The following RBM19 variants were observed in gnomAD, a reference collection of about 807,000 sequenced individuals.
RBM19 encodes RNA binding motif protein 19.
A neutral mutation model predicts 116.8 loss-of-function variants in RBM19; 94 were observed. The ratio of observed to expected loss-of-function variants is 0.80; its 90% CI spans 0.68 to 0.95. The LOEUF (loss-of-function observed/expected upper bound fraction) is 0.95, where lower values mean the gene tolerates loss of function less well. Among genes scored for constraint, RBM19 ranks in the 40% least tolerant of loss-of-function variants. RBM19 has a pLI of 0.00. For synonymous variants in RBM19, 475 were observed against 494.1 expected (o/e 0.96, Z 0.51); for missense variants, 1,161 against 1,220.7 (o/e 0.95, Z 0.73).
intron 23 of RBM19, among the ~76,000 whole-genome samples, chr12:113,830,597 T>TGGG (rs1875329108): frequency 1.2e-5 from 1 of 86,252 alleles, no homozygotes; most frequent in Non-Finnish European, 2.3e-5. Flanking sequence ...GGGTGGGCTA[T>TGGG]GCCTGGGGGC....
At chr12:113,829,457 G>A (rs926814077) in intron 23 of RBM19, among the ~76,000 whole-genome samples, 25 of 152,342 alleles carry the variant, frequency 1.6e-4, no homozygotes, top group Admixed American at 1.1e-3. Flanking sequence ...AACGGGGACG[G>A]TGCCTGCTCT....
intron 23 of RBM19, among the ~76,000 whole-genome samples, chr12:113,827,293 A>G (rs1337535019): frequency 6.6e-6 from 1 of 152,158 alleles, no homozygotes; most frequent in Non-Finnish European, 1.5e-5. Context: ...TTAACTTGAC[A>G]AAAAGCTCAG....
chr12:113,828,850 C>T (rs1411824538), intron 23 of RBM19, among the ~76,000 whole-genome samples: 1 of 152,200 alleles, frequency 6.6e-6, no homozygotes, highest in Non-Finnish European at 1.5e-5. Flanking sequence ...CAGAGCTCTC[C>T]TACCCAGATA....
intron 16 of RBM19, among the ~76,000 whole-genome samples, chr12:113,930,108 A>C (rs1869469601): frequency 6.6e-6 from 1 of 152,228 alleles, no homozygotes; most frequent in African/African-American, 2.4e-5. Context: ...CTTAATGGCA[A>C]GTGACTTTTG....
intron 16 of RBM19, among the ~76,000 whole-genome samples, chr12:113,927,905 A>G (rs1432756935): frequency 6.6e-6 from 1 of 152,274 alleles, no homozygotes; most frequent in Non-Finnish European, 1.5e-5. Context: ...AGCTGGAAAA[A>G]TATGTAGTCA....
intron 22 of RBM19, among the ~76,000 whole-genome samples, chr12:113,857,253 G>C (rs1187595319): frequency 6.6e-5 from 10 of 152,232 alleles, no homozygotes; most frequent in Admixed American, 6.5e-4. Flanking sequence ...CATAGACCAA[G>C]GGTGGCTCTG....
chr12:113,845,609 T>C (rs1026980302), intron 22 of RBM19, among the ~76,000 whole-genome samples: 1 of 151,984 alleles, frequency 6.6e-6, no homozygotes, highest in African/African-American at 2.4e-5. Flanking sequence ...TAGCTAGCAG[T>C]CCCCCAGCCC....
In RBM19 at chr12:113,915,033, A is replaced by C; in HGVS notation, c.2494T>G (p.Ser832Ala). Reference sequence around the variant, plus strand: ...GGGATGTTCCGCACCAGGATCTTGGAGGTGGTCTGCTTTCTGGGAACTTGT... The same window carrying C: ...GGGATGTTCCGCACCAGGATCTTGGCGGTGGTCTGCTTTCTGGGAACTTGT... ...KKQVPRKQTT[S>A]KILVRNIPFQ... The change falls in exon 21 of 24, where the codon TCC becomes GCC. Residue 832 changes from serine to alanine, a missense_variant. Coordinates refer to ENST00000261741, the MANE Select transcript of RBM19 (RefSeq NM_016196.4). 1 of 1,614,066 alleles carries C rather than the reference A, an allele frequency of 6.2e-7. No individual in the cohort carries two copies. The highest frequency in any genetic ancestry group is 1.3e-5 in the African/African-American group (1 of 74,996).
At chr12:113,891,262 G>A (rs957334002) in intron 21 of RBM19, among the ~76,000 whole-genome samples, 2 of 152,200 alleles carry the variant, frequency 1.3e-5, no homozygotes, top group African/African-American at 4.8e-5. Context: ...TGGGACGCTG[G>A]TTGCTTTTAT....
intron 21 of RBM19, among the ~76,000 whole-genome samples, chr12:113,890,919 C>G (rs1350063749): frequency 6.6e-6 from 1 of 152,154 alleles, no homozygotes. Context: ...TTCCGAGTAG[C>G]TGGGACTATA....
At chr12:113,886,407 A>G (rs1230005261) in intron 21 of RBM19, among the ~76,000 whole-genome samples, 5 of 152,228 alleles carry the variant, frequency 3.3e-5, no homozygotes, top group Non-Finnish European at 5.9e-5. Flanking sequence ...TGCTGAGATT[A>G]GAGGTGTAAG....
At chr12:113,865,327 C>G (rs549938388) in intron 21 of RBM19, among the ~76,000 whole-genome samples, 1 of 152,304 alleles carries the variant, frequency 6.6e-6, no homozygotes, top group South Asian at 2.1e-4. Flanking sequence ...AGCTGAAATG[C>G]CACCTCCTCA....
intron 22 of RBM19, among the ~76,000 whole-genome samples, chr12:113,854,948 T>G (rs1877775834): frequency 6.6e-6 from 1 of 152,224 alleles, no homozygotes. Flanking sequence ...GGGAGCCTCT[T>G]GCTATTATCA....
intron 16 of RBM19, among the ~76,000 whole-genome samples, chr12:113,931,957 A>G (rs757147147): frequency 2.6e-5 from 4 of 152,228 alleles, no homozygotes; most frequent in Non-Finnish European, 5.9e-5. Flanking sequence ...GGAGCTCGAG[A>G]CAGGACCCAG....
intron 21 of RBM19, among the ~76,000 whole-genome samples, chr12:113,908,430 C>G (rs1882209570): frequency 6.6e-6 from 1 of 151,962 alleles, no homozygotes; most frequent in African/African-American, 2.4e-5. Context: ...CAGGGATGGA[C>G]AGACGTTGCC....
chr12:113,927,104 G>A lies in RBM19; in HGVS notation c.2194C>T (p.Leu732=), dbSNP rs549666074. The change falls in exon 17 of 24, where the codon CTG becomes TTG. Residue 732 remains leucine, a synonymous_variant. Coordinates refer to ENST00000261741, the MANE Select transcript of RBM19 (RefSeq NM_016196.4). ...TCAAAATTGAGATTCTTAATAAACA[G>A]AGTACATCCTGGGAGGCTCTCTTCT... ...EEEESLPGCT[L]FIKNLNFDTT... is the part of the protein sequence containing the mutation. The A allele has an allele frequency of 6.2e-6, 10 of 1,613,596 alleles. No individual in the cohort carries two copies. In the African/African-American group the frequency reaches 1.3e-4, roughly 21 times the overall value.
At chr12:113,925,208 C>G (rs1868958815) in intron 17 of RBM19, among the ~76,000 whole-genome samples, 1 of 152,210 alleles carries the variant, frequency 6.6e-6, no homozygotes, top group Admixed American at 6.5e-5. Flanking sequence ...AGAGCAAAAT[C>G]CATGTTTACC....
At chr12:113,836,920 T>C (rs59570520) in intron 23 of RBM19, among the ~76,000 whole-genome samples, 416 of 8,536 alleles carry the variant, frequency 0.049, 7 homozygotes, top group Non-Finnish European at 0.056. Context: ...CCCCCCCACA[T>C]ACACACACAC....
At chr12:113,829,357 T>G (rs1005525391) in intron 23 of RBM19, among the ~76,000 whole-genome samples, 4 of 152,264 alleles carry the variant, frequency 2.6e-5, no homozygotes, top group Middle Eastern at 6.8e-3. Flanking sequence ...GCAGAGCGGG[T>G]GGGCAGGAGC....
Sources: allele counts gnomAD v4.1 joint callset (sites outside exome capture counted in the v4.1 genomes callset), GRCh38; gene constraint gnomAD v4.1.1; transcripts MANE v1.5; gene names NCBI Gene and HGNC (gene_info 2026-07-23, HGNC 2026-07-21).